Variants in GLIS3 observed in about 807,000 individuals in gnomAD.
GLIS3 encodes GLIS family zinc finger 3.
GLIS3 carries 53 observed loss-of-function variants against 78.6 expected under a neutral mutation model. The ratio of observed to expected loss-of-function variants is 0.67; its 90% CI spans 0.54 to 0.85. The LOEUF (loss-of-function observed/expected upper bound fraction) is 0.85. Ranked by LOEUF, GLIS3 falls within the 40% of genes least tolerant of loss-of-function variation. The pLI, the probability that GLIS3 is intolerant of heterozygous loss-of-function variation, is 0.00. For synonymous variants in GLIS3, 684 were observed against 509.9 expected (o/e 1.34, Z -4.60); for missense variants, 1,703 against 1,231.1 (o/e 1.38, Z -5.74).
At chr9:3,943,539 A>C (rs941224750) in intron 4 of GLIS3, among the ~76,000 whole-genome samples, 8 of 152,232 alleles carry the variant, frequency 5.3e-5, no homozygotes, top group African/African-American at 1.9e-4. Flanking sequence ...CAGAGTAATA[A>C]CAGCCTCATT....
At chr9:4,397,288 G>T in the GLIS3 span, among the ~76,000 whole-genome samples, 2 of 150,868 alleles carry the variant, frequency 1.3e-5, no homozygotes, top group Admixed American at 6.6e-5. Flanking sequence ...GCCTCCCAAA[G>T]TGCTGGGATT....
chr9:4,378,380 T>G, the GLIS3 span, among the ~76,000 whole-genome samples: 2 of 152,154 alleles, frequency 1.3e-5, no homozygotes, highest in Non-Finnish European at 2.9e-5. Flanking sequence ...TGAAAACATA[T>G]TCACTGTTTC....
chr9:3,896,489 A>C (rs1822838879), intron 7 of GLIS3, among the ~76,000 whole-genome samples: 1 of 151,710 alleles, frequency 6.6e-6, no homozygotes, highest in South Asian at 2.1e-4. Context: ...ACATGGTGAA[A>C]TCCAGTCTCT....
intron 4 of GLIS3, among the ~76,000 whole-genome samples, chr9:3,999,945 C>A (rs1382088907): frequency 2.6e-5 from 4 of 151,960 alleles, no homozygotes; most frequent in Admixed American, 2.6e-4. Context: ...TAAACAGAAC[C>A]ATTAATATAC....
the GLIS3 span, among the ~76,000 whole-genome samples, chr9:4,394,471 T>C: frequency 2.4e-4 from 37 of 152,144 alleles, no homozygotes; most frequent in Non-Finnish European, 4.3e-4. Flanking sequence ...GAAGAATTCA[T>C]TATGGTTGCA....
rs192436952 is a variant in GLIS3 at position 3,945,255 on chromosome 9, G to T, written c.1711-8066C>A. 2.0e-4 allele frequency among the ~76,000 whole-genome samples: 31 copies of T among 152,260 alleles called. 1 individual carries two copies. In the East Asian group the frequency reaches 5.6e-3, roughly 27 times the overall value. On this transcript the variant is annotated intron_variant, in intron 4 of 10. Coordinates refer to ENST00000381971, the MANE Select transcript of GLIS3 (RefSeq NM_001042413.2). ...ATAGCCAACTATAATCCATATACAT[G>T]TATCTATAATATATGAGCATAATAC...
chr9:4,201,533 A>T (rs983803613), intron 2 of GLIS3, among the ~76,000 whole-genome samples: 1 of 152,344 alleles, frequency 6.6e-6, no homozygotes, highest in South Asian at 2.1e-4. Flanking sequence ...GTTTTTATAC[A>T]CTAATAACAT....
At chr9:4,104,058 A>C (rs1189063385) in intron 4 of GLIS3, among the ~76,000 whole-genome samples, 1 of 152,158 alleles carries the variant, frequency 6.6e-6, no homozygotes, top group African/African-American at 2.4e-5. Context: ...CAATGTTGTC[A>C]TGACTCTACT....
At chr9:4,075,235 A>T (rs578101725) in intron 4 of GLIS3, among the ~76,000 whole-genome samples, 1 of 152,128 alleles carries the variant, frequency 6.6e-6, no homozygotes, top group East Asian at 1.9e-4. Context: ...AACTTTTATC[A>T]ATTAGATGTC....
chr9:4,388,318 A>G, the GLIS3 span, among the ~76,000 whole-genome samples: 1 of 152,082 alleles, frequency 6.6e-6, no homozygotes, highest in Non-Finnish European at 1.5e-5. Context: ...TGTTCACATC[A>G]AGGATGCCAT....
chr9:4,408,185 C>T, the GLIS3 span, among the ~76,000 whole-genome samples: 34 of 152,136 alleles, frequency 2.2e-4, 1 homozygote, highest in East Asian at 3.7e-3. Flanking sequence ...ATTAGTACAA[C>T]CACTACGGAG....
At chr9:4,440,135 A>G in the GLIS3 span, among the ~76,000 whole-genome samples, 3 of 152,200 alleles carry the variant, frequency 2.0e-5, no homozygotes, top group South Asian at 6.2e-4. Context: ...CTTCCAGTCT[A>G]TAAGTTGTCT....
At chr9:4,471,644 A>C in the GLIS3 span, among the ~76,000 whole-genome samples, 6 of 152,252 alleles carry the variant, frequency 3.9e-5, no homozygotes, top group African/African-American at 1.4e-4. Flanking sequence ...ATCTAAAACC[A>C]TAAAAACCCT....
chr9:4,263,334 G>T (rs181390215), intron 2 of GLIS3, among the ~76,000 whole-genome samples: 234 of 152,250 alleles, frequency 1.5e-3, no homozygotes, highest in Admixed American at 4.2e-3. Flanking sequence ...CAATTATTAA[G>T]AACTATTATG....
At chr9:3,875,499 G>A (rs751885415) in intron 8 of GLIS3, 1 of 152,188 alleles carries the variant, frequency 6.6e-6, no homozygotes, top group Non-Finnish European at 1.5e-5. Context: ...AAAGATGCCA[G>A]TTTCCCACTA....
intron 4 of GLIS3, among the ~76,000 whole-genome samples, chr9:3,992,853 A>T (rs1032826187): frequency 1.1e-4 from 17 of 152,214 alleles, no homozygotes; most frequent in African/African-American, 4.1e-4. Flanking sequence ...AAACACTTTT[A>T]TCCCTCAGGA....
At chr9:4,483,515 T>C in the GLIS3 span, among the ~76,000 whole-genome samples, 6 of 152,040 alleles carry the variant, frequency 3.9e-5, no homozygotes, top group East Asian at 1.9e-4. Flanking sequence ...GTCAGGAGTT[T>C]GAGACCAGCC....
chr9:3,891,957 C>A (rs1043642448), intron 7 of GLIS3, among the ~76,000 whole-genome samples: 1 of 152,112 alleles, frequency 6.6e-6, no homozygotes, highest in African/African-American at 2.4e-5. Flanking sequence ...TCTTTTTAAT[C>A]GTGAAGAGTT....
intron 5 of GLIS3, among the ~76,000 whole-genome samples, chr9:3,933,254 C>A (rs2130782323): frequency 6.6e-6 from 1 of 152,184 alleles, no homozygotes; most frequent in African/African-American, 2.4e-5. Flanking sequence ...CGGCTCACTG[C>A]AACCTCTGCC....
Sources: allele counts gnomAD v4.1 joint callset (sites outside exome capture counted in the v4.1 genomes callset), GRCh38; gene constraint gnomAD v4.1.1; transcripts MANE v1.5; gene names NCBI Gene and HGNC (gene_info 2026-07-23, HGNC 2026-07-21).